TTC34: variants seen among roughly 807,000 people sequenced by gnomAD.
The protein encoded by TTC34 is tetratricopeptide repeat domain 34.
Under a neutral mutation model 40.7 loss-of-function variants are expected in TTC34, and 44 were observed. The ratio of observed to expected loss-of-function variants is 1.08; its 90% CI spans 0.85 to 1.39. TTC34 has a LOEUF of 1.39. Ranked by LOEUF, TTC34 falls within the 40% of genes most tolerant of loss-of-function variation. TTC34 has a pLI of 0.00. For missense variants in TTC34, 884 were observed against 838.0 expected, an observed-to-expected ratio of 1.05 and a Z score of -0.68; for synonymous variants, 422 against 398.6, an observed-to-expected ratio of 1.06 and a Z score of -0.70.
chr1:2,686,371 G>C (rs1197930823), intron 6 of TTC34, among the ~76,000 whole-genome samples: 3 of 126,594 alleles, frequency 2.4e-5, no homozygotes, highest in African/African-American at 3.4e-5. Flanking sequence ...CCCCAGGTGC[G>C]CATGTGATGG....
At chr1:2,800,497 C>G (rs1643759611) in exon 2 of TTC34, 1 of 398,572 alleles carries the variant, frequency 2.5e-6, no homozygotes, top group Admixed American at 4.4e-5. Flanking sequence ...GCCAGCAGAC[C>G]TGCCAGCAGG....
intron 6 of TTC34, among the ~76,000 whole-genome samples, chr1:2,693,063 C>A (rs1365440465): frequency 1.2e-5 from 1 of 86,782 alleles, no homozygotes; most frequent in African/African-American, 3.9e-5. Flanking sequence ...GCAGCACCCA[C>A]AACCCCAGGC....
intron 2 of TTC34, among the ~76,000 whole-genome samples, chr1:2,795,518 A>G (rs1289843945): frequency 6.6e-6 from 1 of 152,184 alleles, no homozygotes; most frequent in African/African-American, 2.4e-5. Context: ...TCCAAGGTGA[A>G]GGTGGAAGCC....
intron 2 of TTC34, 100 bp from the exon 3 acceptor site, chr1:2,790,446 A>T: frequency 5.0e-6 from 2 of 397,356 alleles, no homozygotes; most frequent in African/African-American, 2.1e-5. Flanking sequence ...GACTCAGGAG[A>T]CTGTGAGTCC....
intron 6 of TTC34, among the ~76,000 whole-genome samples, chr1:2,777,863 TCCTGTGGTA>T (rs1361549892): frequency 4.6e-5 from 7 of 152,174 alleles, no homozygotes; most frequent in African/African-American, 1.7e-4. Context: ...GGGGACAGGA[TCCTGTGGTA>T]CCCCTTGGAG....
At position 2,799,399 on chromosome 1, in the gene TTC34, C is replaced by T. The variant is rs748893768; in HGVS notation, c.784+645G>A. Among the ~76,000 whole-genome samples the T allele has an allele frequency of 2.6e-5, 4 of 152,230 alleles. No individual in the cohort carries two copies. In the East Asian group the frequency reaches 7.7e-4, roughly 29 times the overall value. On this transcript the variant is annotated intron_variant, in intron 2 of 8. Coordinates refer to ENST00000401095, the Ensembl canonical transcript of TTC34. ...CTCTACTAAAAATACAAAAATTAGCCAGGCATGATGGTGGGTGCCTGTAAT... is the reference window on the plus strand; with the variant it reads ...CTCTACTAAAAATACAAAAATTAGCTAGGCATGATGGTGGGTGCCTGTAAT...
chr1:2,769,658 G>T (rs1184451513), intron 6 of TTC34, among the ~76,000 whole-genome samples: 1 of 88,938 alleles, frequency 1.1e-5, no homozygotes, highest in Non-Finnish European at 2.2e-5. Context: ...ACAGCCTGGA[G>T]CAGCACCCTA....
intron 6 of TTC34, among the ~76,000 whole-genome samples, chr1:2,758,201 G>C (rs1447491370): frequency 7.5e-3 from 84 of 11,186 alleles, no homozygotes; most frequent in African/African-American, 0.011. Flanking sequence ...GCACCCCCAG[G>C]TGAGCAACTG....
At position 2,789,597 on chromosome 1, in the gene TTC34, G is replaced by C. The variant is rs557596918; in HGVS notation, c.1534C>G (p.Arg512Gly). ...CGTGGAGATCGCTGCAGCATCCCAC[G>C]GGCCTCCTCCCGCAGCACCACCAGC... Residue 512 changes from arginine (R) to glycine (G), a missense_variant, in exon 3 of 9, where the codon CGT (arginine) becomes GGT (glycine). Transcript: ENST00000401095. 7,845 of 1,410,142 alleles carry C rather than the reference G, an allele frequency of 5.6e-3. 22 individuals are homozygous for C. Among genetic ancestry groups the C allele is most frequent in the Non-Finnish European group, 6.4e-3 (6,939 of 1,083,866 alleles). 87.4% of individuals were successfully genotyped at this position (1,410,142 alleles called of 1,614,324 possible). A position where few individuals can be genotyped will look rare whatever the true frequency, so the allele number is the denominator to read the frequency against.
intron 6 of TTC34, among the ~76,000 whole-genome samples, chr1:2,648,484 A>G (rs1205827337): frequency 6.6e-6 from 1 of 152,162 alleles, no homozygotes; most frequent in African/African-American, 2.4e-5. Flanking sequence ...CCTGTCTCTC[A>G]GGTCACAGCT....
At chr1:2,751,411 A>G (rs1641314882) in intron 6 of TTC34, among the ~76,000 whole-genome samples, 2 of 138,886 alleles carry the variant, frequency 1.4e-5, no homozygotes, top group Non-Finnish European at 3.1e-5. Flanking sequence ...CCACACACAC[A>G]GGTGGGCATC....
At chr1:2,759,302 GAA>G (rs1641612371) in intron 6 of TTC34, among the ~76,000 whole-genome samples, 1 of 120,186 alleles carries the variant, frequency 8.3e-6, no homozygotes, top group Non-Finnish European at 1.7e-5. Flanking sequence ...TGACGTCCTG[GAA>G]CAGCACCCAC....
At chr1:2,638,895 A>C (rs1638842622) in exon 9 of TTC34, 1 of 152,276 alleles carries the variant, frequency 6.6e-6, no homozygotes, top group Non-Finnish European at 1.5e-5. Flanking sequence ...AGAATAGCAG[A>C]GACAGGTGGT....
At chr1:2,688,095 T>C (rs1323500803) in intron 6 of TTC34, among the ~76,000 whole-genome samples, 4 of 152,308 alleles carry the variant, frequency 2.6e-5, no homozygotes, top group African/African-American at 7.2e-5. Flanking sequence ...CACCCCCAGG[T>C]GCGCACGTGA....
chr1:2,684,928 G>C (rs1413396074), intron 6 of TTC34, among the ~76,000 whole-genome samples: 9 of 135,336 alleles, frequency 6.7e-5, no homozygotes, highest in African/African-American at 2.8e-4. Flanking sequence ...ACCCAGGTGA[G>C]CATCCGACAG....
intron 6 of TTC34, among the ~76,000 whole-genome samples, chr1:2,696,815 C>A (rs1489567241): frequency 1.3e-5 from 1 of 79,646 alleles, no homozygotes; most frequent in South Asian, 4.4e-4. Context: ...AGGCGAGCAT[C>A]TGAACCCACG....
exon 2 of TTC34, chr1:2,800,496 C>T (rs1643759594): frequency 5.0e-6 from 2 of 398,558 alleles, no homozygotes; most frequent in Non-Finnish European, 8.8e-6. Flanking sequence ...GGCCAGCAGA[C>T]CTGCCAGCAG....
At chr1:2,752,350 C>T (rs1379599340) in intron 6 of TTC34, among the ~76,000 whole-genome samples, 1 of 16,080 alleles carries the variant, frequency 6.2e-5, no homozygotes, top group Non-Finnish European at 1.1e-4. Flanking sequence ...AGCATCTGAC[C>T]GCCTGGAACA....
intron 6 of TTC34, among the ~76,000 whole-genome samples, chr1:2,687,761 C>T (rs1338447429): frequency 1.3e-5 from 2 of 151,064 alleles, no homozygotes; most frequent in Admixed American, 6.5e-5. Context: ...GGAGCAGAAC[C>T]CACACCCTGA....
Sources: gnomAD v4.1 joint callset for allele counts (sites outside exome capture counted in the v4.1 genomes callset) on GRCh38, gnomAD v4.1.1 for gene constraint, MANE v1.5 for transcripts, NCBI Gene and HGNC (gene_info 2026-07-23, HGNC 2026-07-21) for gene names.